LY75: variants seen among roughly 807,000 people sequenced by gnomAD.
The protein encoded by LY75 is C-type lectin domain family 13 member B.
Under a neutral mutation model 231.7 loss-of-function variants are expected in LY75, and 185 were observed. The observed-to-expected ratio is 0.80, with a 90% CI of 0.71 to 0.90. LY75 has a LOEUF of 0.90. LY75 is among the 40% of genes least tolerant of loss of function. The pLI is 0.00. For missense variants in LY75, 1,947 were observed against 2,050.2 expected, an observed-to-expected ratio of 0.95 and a Z score of 0.97; for synonymous variants, 668 against 689.0, an observed-to-expected ratio of 0.97 and a Z score of 0.48.
intron 23 of LY75, among the ~76,000 whole-genome samples, chr2:159,849,591 T>C (rs1319246550): frequency 6.6e-6 from 1 of 152,194 alleles, no homozygotes; most frequent in Non-Finnish European, 1.5e-5. Flanking sequence ...GAAAAACCAG[T>C]ACATCCATCA....
intron 11 of LY75, among the ~76,000 whole-genome samples, chr2:159,877,145 A>C (rs1685302396): frequency 6.6e-6 from 1 of 152,080 alleles, no homozygotes; most frequent in African/African-American, 2.4e-5. Context: ...TCAGACATAA[A>C]AGGATGACTT....
At position 159,834,144 on chromosome 2, in the gene LY75, C is replaced by T. The variant is rs770795889; in HGVS notation, c.3741G>A (p.Pro1247=). The T allele has an allele frequency of 7.5e-5, 121 of 1,613,868 alleles. No individual in the cohort carries two copies. Among genetic ancestry groups the T allele is most frequent in the Non-Finnish European group, 9.9e-5 (117 of 1,179,970 alleles). ...AGCAACAGTTCTGAAATGGTATCCA[C>T]GGAGTATTTAGAACAGGAGATGGAC... is the stretch of plus-strand genomic sequence containing the variant. ...VKCPSPVLNT[P]WIPFQNCCYN... Residue 1247 remains proline, a synonymous_variant, in exon 27 of 35, where the codon CCG becomes CCA. Transcript: ENST00000263636.
At position 159,881,093 on chromosome 2, in the gene LY75, T is replaced by C. The variant is rs1685421551; in HGVS notation, c.1394A>G (p.Tyr465Cys). The C allele has an allele frequency of 1.2e-6, 2 of 1,613,458 alleles. No individual in the cohort carries two copies. Among genetic ancestry groups the C allele is most frequent in the African/African-American group, 1.3e-5 (1 of 74,884 alleles). The change falls in exon 8 of 35, where the codon TAC becomes TGC. Residue 465 changes from tyrosine (Y) to cysteine (C), a missense_variant. By Grantham distance (194) the Tyr-to-Cys change is radical. Transcript: ENST00000263636. Reference sequence around the variant, plus strand: ...CAGGAGGTTTCGTACCTCTCCTAAGTAGGAAACACAGTTGGGCGTCTTATT... The same window carrying C: ...CAGGAGGTTTCGTACCTCTCCTAAGCAGGAAACACAGTTGGGCGTCTTATT... ...PYNKTPNCVS[Y>C]LGELGQWKVQ...
intron 25 of LY75, among the ~76,000 whole-genome samples, chr2:159,837,754 G>A (rs1683877344): frequency 6.6e-6 from 1 of 152,114 alleles, no homozygotes; most frequent in Admixed American, 6.5e-5. Context: ...AAGGAGTAGT[G>A]GATATTTTTA....
chr2:159,810,272 T>G (rs975843549), intron 32 of LY75, among the ~76,000 whole-genome samples: 1 of 152,156 alleles, frequency 6.6e-6, no homozygotes, highest in Non-Finnish European at 1.5e-5. Flanking sequence ...GACCTCATGA[T>G]CTGCCCGCCT....
chr2:159,850,791 T>TATATATATATATATATATATATATA (rs1341394980), intron 21 of LY75, among the ~76,000 whole-genome samples: 4 of 94,502 alleles, frequency 4.2e-5, no homozygotes, highest in Non-Finnish European at 9.1e-5. Context: ...TATATATATA[T>TATATATATATATATATATATATATA]ATATATATTA....
intron 25 of LY75, among the ~76,000 whole-genome samples, chr2:159,838,785 TTTAA>T (rs1342072292): frequency 6.6e-6 from 1 of 152,000 alleles, no homozygotes; most frequent in Non-Finnish European, 1.5e-5. Flanking sequence ...GTTAATTTAA[TTTAA>T]TTAATTAATT....
chr2:159,882,806 T>C (rs1243260816), intron 6 of LY75, among the ~76,000 whole-genome samples: 1 of 151,924 alleles, frequency 6.6e-6, no homozygotes, highest in African/African-American at 2.4e-5. Flanking sequence ...CAGGCAGAGA[T>C]TTAAGGGACA....
At chr2:159,833,486 A>C (rs13025887) in intron 27 of LY75, among the ~76,000 whole-genome samples, 16,615 of 152,234 alleles carry the variant, frequency 0.11, 1,171 homozygotes, top group South Asian at 0.2. Flanking sequence ...ATGGAAGAGT[A>C]AAGAAAGGAG....
chr2:159,824,454 C>G (rs1020316442), intron 28 of LY75, among the ~76,000 whole-genome samples: 1 of 152,102 alleles, frequency 6.6e-6, no homozygotes, highest in African/African-American at 2.4e-5. Flanking sequence ...ACAGGAGCAC[C>G]CAGATTCACA....
In LY75 at chr2:159,850,471, CA is replaced by C. The variant is rs1295581900; in HGVS notation, c.2884-5del. 6.2e-7 allele frequency: 1 copy of C among 1,613,004 alleles called. No individual in the cohort carries two copies. The highest frequency in any genetic ancestry group is 1.1e-5 in the South Asian group (1 of 91,032). On this transcript the variant is annotated splice_polypyrimidine_tract_variant and splice_region_variant and intron_variant, in intron 21 of 34. Coordinates refer to ENST00000263636, the MANE Select transcript of LY75 (RefSeq NM_002349.4). ...CGGGTTTGATCTTTAGAAAACACTG[CA>C]AACAAAGACATATGTGAAGCATGAG...
intron 11 of LY75, among the ~76,000 whole-genome samples, chr2:159,877,079 AG>A (rs1020174623): frequency 9.2e-5 from 14 of 151,486 alleles, no homozygotes; most frequent in Non-Finnish European, 1.9e-4. Flanking sequence ...TTTATCCATT[AG>A]AGTGTTCTTA....
intron 20 of LY75, 31 bp downstream of exon 20, chr2:159,853,242 T>A (rs370917452): frequency 8.3e-5 from 132 of 1,587,012 alleles, no homozygotes; most frequent in African/African-American, 1.1e-4. Flanking sequence ...TATTACATAA[T>A]CAGCATTAAA....
At position 159,881,200 on chromosome 2, in the gene LY75, G is replaced by C. The variant is rs1478119808; in HGVS notation, c.1287C>G (p.Asn429Lys). The change falls in exon 8 of 35, where the codon AAC becomes AAG. Residue 429 changes from asparagine (N) to lysine (K), a missense_variant. By Grantham distance (94) the Asn-to-Lys change is moderately conservative. Coordinates refer to ENST00000263636, the MANE Select transcript of LY75 (RefSeq NM_002349.4). The part of the protein sequence containing the change: ...EEVWIGLKNI[N>K]IPTLFQWSDG... ...CTGACCACTGAAATAAAGTTGGTAT[G>C]TTTATGTTCTTAAGGCCTATCCACA... is the stretch of plus-strand genomic sequence containing the variant. The C allele has an allele frequency of 6.2e-7, 1 of 1,613,674 alleles. No homozygotes were observed. The highest frequency in any genetic ancestry group is 8.5e-7 in the Non-Finnish European group (1 of 1,179,826).
At chr2:159,817,777 G>C (rs759763594) in intron 29 of LY75, among the ~76,000 whole-genome samples, 5 of 152,178 alleles carry the variant, frequency 3.3e-5, no homozygotes, top group Non-Finnish European at 7.3e-5. Context: ...GCCAGGTGCA[G>C]TGGCTCACGC....
intron 28 of LY75, among the ~76,000 whole-genome samples, chr2:159,821,089 T>A (rs1683272058): frequency 6.6e-6 from 1 of 152,148 alleles, no homozygotes; most frequent in African/African-American, 2.4e-5. Flanking sequence ...CCATCCGCCT[T>A]GGCCTCCCAA....
At chr2:159,836,933 T>A (rs994097812) in intron 25 of LY75, among the ~76,000 whole-genome samples, 8 of 152,262 alleles carry the variant, frequency 5.3e-5, no homozygotes, top group Admixed American at 2.0e-4. Context: ...TTTATCTTTT[T>A]ACTGAATACA....
chr2:159,874,669 T>TAAATA, intron 12 of LY75, among the ~76,000 whole-genome samples: 1 of 108,968 alleles, frequency 9.2e-6, no homozygotes, highest in Non-Finnish European at 1.8e-5. Context: ...TATATATATA[T>TAAATA]TTTGTAAATA....
chr2:159,861,779 A>G (rs1340751652), intron 14 of LY75, among the ~76,000 whole-genome samples: 1 of 152,192 alleles, frequency 6.6e-6, no homozygotes, highest in African/African-American at 2.4e-5. Flanking sequence ...TATTTTTTGT[A>G]TAACTCTTCC....
Sources: allele counts gnomAD v4.1 joint callset (sites outside exome capture counted in the v4.1 genomes callset), GRCh38; gene constraint gnomAD v4.1.1; transcripts MANE v1.5; gene names NCBI Gene and HGNC (gene_info 2026-07-23, HGNC 2026-07-21).